SNX29: variants seen among roughly 807,000 people sequenced by gnomAD.
SNX29 encodes sorting nexin-29.
In SNX29, 78 loss-of-function variants were observed where a neutral mutation model predicts 102.1. The observed-to-expected ratio is 0.76, with a 90% CI of 0.64 to 0.92. The LOEUF (loss-of-function observed/expected upper bound fraction) is 0.92, where lower values mean the gene tolerates loss of function less well. SNX29 is among the 40% of genes least tolerant of loss of function. The pLI, the probability that SNX29 is intolerant of heterozygous loss-of-function variation, is 0.00. For missense variants in SNX29, 1,280 were observed against 1,061.7 expected (o/e 1.21, Z -2.86); for synonymous variants, 580 against 414.5 (o/e 1.40, Z -4.85).
At chr16:12,131,532 T>C (rs1295317270) in intron 13 of SNX29, among the ~76,000 whole-genome samples, 1 of 152,162 alleles carries the variant, frequency 6.6e-6, no homozygotes, top group Non-Finnish European at 1.5e-5. Flanking sequence ...ATGTGGTATT[T>C]GATTGAGTGA....
At chr16:12,552,624 C>G (rs774360633) in intron 20 of SNX29, among the ~76,000 whole-genome samples, 1 of 151,660 alleles carries the variant, frequency 6.6e-6, no homozygotes, top group Non-Finnish European at 1.5e-5. Flanking sequence ...AAGCAAAAAC[C>G]AAACACCAAA....
intron 20 of SNX29, among the ~76,000 whole-genome samples, chr16:12,536,850 C>A (rs900721169): frequency 6.6e-5 from 10 of 152,128 alleles, no homozygotes; most frequent in African/African-American, 2.4e-4. Flanking sequence ...GTGGTGCACA[C>A]CTGTAATTGT....
chr16:12,016,950 G>C (rs2056867133), intron 3 of SNX29, among the ~76,000 whole-genome samples: 1 of 151,784 alleles, frequency 6.6e-6, no homozygotes, highest in South Asian at 2.1e-4. Context: ...AACATAGTGA[G>C]ACCCCTGTCT....
At chr16:12,446,829 G>T (rs939413564) in intron 18 of SNX29, among the ~76,000 whole-genome samples, 1 of 151,932 alleles carries the variant, frequency 6.6e-6, no homozygotes. Context: ...GGATCCCAAC[G>T]AGCTGCCTCA....
chr16:12,570,989 C>T lies in SNX29; in HGVS notation c.*2360C>T, dbSNP rs905934346. ...CTGCTCCTGGTACCTCCCCCATGAT[C>T]ATGCACAGACCGTAGAGTCGAGTCA... On this transcript the variant is annotated 3_prime_UTR_variant, in exon 21 of 21. Coordinates refer to ENST00000566228, the MANE Select transcript of SNX29 (RefSeq NM_032167.5). 4 of 232,506 alleles carry T rather than the reference C, an allele frequency of 1.7e-5. No homozygotes were observed. The highest frequency in any genetic ancestry group is 1.8e-4 in the South Asian group (1 of 5,530). 14.4% of individuals were successfully genotyped at this position (232,506 alleles called of 1,614,324 possible).
chr16:12,405,930 G>T (rs573634187), intron 18 of SNX29, among the ~76,000 whole-genome samples: 1 of 152,118 alleles, frequency 6.6e-6, no homozygotes, highest in Non-Finnish European at 1.5e-5. Context: ...TACTTGGGAG[G>T]CTGAGGCAGG....
intron 11 of SNX29, among the ~76,000 whole-genome samples, chr16:12,117,031 A>G (rs111836082): frequency 0.018 from 2,467 of 133,594 alleles, 77 homozygotes; most frequent in African/African-American, 0.066. Context: ...CGGACGAACC[A>G]TGGAAACAGG....
chr16:12,487,797 T>A (rs1290128052), intron 19 of SNX29, among the ~76,000 whole-genome samples: 3 of 152,172 alleles, frequency 2.0e-5, no homozygotes, highest in Admixed American at 6.5e-5. Flanking sequence ...TCTGAGTGAA[T>A]GAAGCCATAA....
At chr16:12,536,962 TGA>T (rs1486117981) in intron 20 of SNX29, among the ~76,000 whole-genome samples, 4 of 151,366 alleles carry the variant, frequency 2.6e-5, no homozygotes, top group Admixed American at 1.3e-4. Flanking sequence ...GGCGACAGAG[TGA>T]GAGAGAACCC....
At chr16:12,402,618 A>G (rs530154667) in intron 17 of SNX29, among the ~76,000 whole-genome samples, 1 of 152,346 alleles carries the variant, frequency 6.6e-6, no homozygotes, top group East Asian at 1.9e-4. Flanking sequence ...GTTAAGTTTA[A>G]AGTCATCACA....
At chr16:12,316,144 G>A (rs1471485536) in intron 15 of SNX29, among the ~76,000 whole-genome samples, 1 of 152,214 alleles carries the variant, frequency 6.6e-6, no homozygotes, top group Non-Finnish European at 1.5e-5. Flanking sequence ...GACAGCAAAG[G>A]TGAAGGCCAG....
intron 13 of SNX29, among the ~76,000 whole-genome samples, chr16:12,194,366 T>C (rs2076718180): frequency 6.6e-6 from 1 of 152,234 alleles, no homozygotes; most frequent in Non-Finnish European, 1.5e-5. Context: ...TCGGTTATTC[T>C]GTGACCATTT....
chr16:12,024,754 A>G (rs373255401), intron 3 of SNX29, among the ~76,000 whole-genome samples: 32 of 152,328 alleles, frequency 2.1e-4, no homozygotes, highest in Middle Eastern at 6.8e-3. Context: ...TGACTTGTGC[A>G]TTGGAACCAA....
intron 15 of SNX29, among the ~76,000 whole-genome samples, chr16:12,296,062 A>G (rs558960512): frequency 1.3e-5 from 2 of 152,374 alleles, no homozygotes; most frequent in Admixed American, 6.5e-5. Context: ...AAATGCTAAC[A>G]TATTATCTTT....
chr16:12,048,640 C>T lies in SNX29; in HGVS notation c.748+20C>T, dbSNP rs1023053714. On this transcript the variant is annotated intron_variant, in intron 7 of 20. Transcript: ENST00000566228. ...GTGCTGGTGAGTGGGAACGGGTGCTCGAGGCGGAGCAGAGGGAATCAGAAT... is the reference window on the plus strand; with the variant it reads ...GTGCTGGTGAGTGGGAACGGGTGCTTGAGGCGGAGCAGAGGGAATCAGAAT... The T allele has an allele frequency of 3.7e-6, 6 of 1,613,684 alleles. No homozygotes were observed. The highest frequency in any genetic ancestry group is 1.7e-5 in the Admixed American group (1 of 59,976).
intron 16 of SNX29, among the ~76,000 whole-genome samples, chr16:12,388,745 A>C (rs189838606): frequency 6.6e-6 from 1 of 152,206 alleles, no homozygotes; most frequent in African/African-American, 2.4e-5. Context: ...CCTGATGTAG[A>C]GTATGGAGAG....
At chr16:12,065,748 T>C (rs1289909292) in intron 9 of SNX29, among the ~76,000 whole-genome samples, 2 of 152,136 alleles carry the variant, frequency 1.3e-5, no homozygotes, top group Non-Finnish European at 2.9e-5. Context: ...TGTGTGCTGT[T>C]TGGGGTTCCT....
intron 1 of SNX29, among the ~76,000 whole-genome samples, chr16:11,978,984 T>G (rs1382343151): frequency 2.0e-5 from 3 of 151,176 alleles, no homozygotes; most frequent in African/African-American, 7.3e-5. Context: ...AATTAAAAAA[T>G]CATTACGTCT....
intron 18 of SNX29, among the ~76,000 whole-genome samples, chr16:12,462,826 C>G (rs897760359): frequency 2.0e-5 from 3 of 152,214 alleles, no homozygotes; most frequent in African/African-American, 7.2e-5. Flanking sequence ...GCAAATGGAG[C>G]AGCCTGTTTA....
Sources: allele counts gnomAD v4.1 joint callset (sites outside exome capture counted in the v4.1 genomes callset), GRCh38; gene constraint gnomAD v4.1.1; transcripts MANE v1.5; gene names NCBI Gene and HGNC (gene_info 2026-07-23, HGNC 2026-07-21).